PLEKHM1: variants seen among roughly 807,000 people sequenced by gnomAD.
The protein encoded by PLEKHM1 is pleckstrin homology and RUN domain containing M1, also known as pleckstrin homology domain-containing family M member 1.
A neutral mutation model predicts 94.3 loss-of-function variants in PLEKHM1; 28 were observed. The observed-to-expected ratio is 0.30, with a 90% confidence interval of 0.22 to 0.41. The LOEUF (loss-of-function observed/expected upper bound fraction) is 0.41. PLEKHM1 is among the 10% of genes least tolerant of loss of function. The probability of loss-of-function intolerance (pLI) is 1.00; values close to 1 mark genes in which losing one functional copy is unlikely to be tolerated. For missense variants in PLEKHM1, 907 were observed against 1,358.6 expected, an observed-to-expected ratio of 0.67 and a Z score of 5.22; for synonymous variants, 424 against 581.2, an observed-to-expected ratio of 0.73 and a Z score of 3.89.
At chr17:45,461,625 G>A (rs62065390) in intron 5 of PLEKHM1, among the ~76,000 whole-genome samples, 19,387 of 152,154 alleles carry the variant, frequency 0.13, 1,562 homozygotes, top group Middle Eastern at 0.21. Context: ...CCAGCATGTA[G>A]GGTTTCTCAG....
chr17:45,487,742 G>C (rs1229030973), intron 1 of PLEKHM1: 1 of 455,934 alleles, frequency 2.2e-6, no homozygotes, highest in Non-Finnish European at 4.4e-6. Context: ...AAAGAAGAAA[G>C]GGATAACCTG....
chr17:45,463,075 G>A (rs1383106489), intron 5 of PLEKHM1, among the ~76,000 whole-genome samples: 1 of 141,944 alleles, frequency 7.0e-6, no homozygotes, highest in African/African-American at 2.6e-5. Flanking sequence ...AACAGCACAA[G>A]AGTCTGTGTC....
intron 10 of PLEKHM1, 144 bp from the exon 11 acceptor site, chr17:45,439,778 C>T (rs573626863): frequency 6.1e-5 from 67 of 1,107,416 alleles, no homozygotes; most frequent in Middle Eastern, 5.1e-4. Flanking sequence ...CGTTTCCACA[C>T]GGGCAAGAAA....
intron 2 of PLEKHM1, 127 bp from the exon 3 acceptor site, chr17:45,478,274 G>A (rs2051824728): frequency 9.1e-7 from 1 of 1,101,112 alleles, no homozygotes. Context: ...GTGTGTGTCT[G>A]TAGATTCCTT....
rs114162283 is a variant in PLEKHM1, at chr17:45,484,399, T to C, written c.-41-1874A>G. Among the ~76,000 whole-genome samples, 787 of 152,320 alleles carry C rather than the reference T, an allele frequency of 5.2e-3. 9 individuals carry two copies. Among genetic ancestry groups the C allele is most frequent in the African/African-American group, 0.018 (745 of 41,564 alleles). On this transcript the variant is annotated intron_variant, in intron 1 of 11. Coordinates refer to ENST00000430334, the MANE Select transcript of PLEKHM1 (RefSeq NM_014798.3). ...ACCTTGGCTTTCACAACCCACCTTA[T>C]CTTAACCCCAAGCTTTTCTTCTGCT...
Position 45,445,536 on chromosome 17 carries a change from T to G in PLEKHM1, c.2771A>C (p.Gln924Pro). The G allele has an allele frequency of 6.2e-7, 1 of 1,613,884 alleles. No individual in the cohort carries two copies. The highest frequency in any genetic ancestry group is 8.5e-7 in the Non-Finnish European group (1 of 1,179,864). Residue 924 changes from glutamine to proline, a missense_variant, in exon 9 of 12, where the codon CAG becomes CCG. Physicochemically the swap from Gln to Pro is moderately conservative, Grantham distance 76. Transcript: ENST00000430334. The surrounding 1 kb of genome is among the most constrained non-coding windows in gnomAD (Gnocchi z 4.2). ...RMHLIGRRRE[Q>P]LKLLGDYLGL... ...CAGGTAATCCCCCAGGAGCTTCAGCTGCTCCCGTCTCCTCCCAATGAGGTG... is the reference window on the plus strand; with the variant it reads ...CAGGTAATCCCCCAGGAGCTTCAGCGGCTCCCGTCTCCTCCCAATGAGGTG...
chr17:45,458,242 T>C lies in PLEKHM1; in HGVS notation c.1506A>G (p.Pro502=). ...GALDQACVPS[P]GRRQAQAAPS... ...GGGCTGCCTGGGCTTGCCTTCTTCC[T>C]GGGGAAGGTACACACGCTTGGTCTA... The change falls in exon 6 of 12, where the codon CCA becomes CCG. Residue 502 remains proline (P), a synonymous_variant. Transcript: ENST00000430334. The C allele has an allele frequency of 6.2e-7, 1 of 1,612,680 alleles. No homozygotes were observed. The highest frequency in any genetic ancestry group is 8.5e-7 in the Non-Finnish European group (1 of 1,179,292).
At chr17:45,438,291 T>G (rs1793753867) in intron 11 of PLEKHM1, among the ~76,000 whole-genome samples, 1 of 152,156 alleles carries the variant, frequency 6.6e-6, no homozygotes, top group African/African-American at 2.4e-5. Flanking sequence ...CCCAGCACTT[T>G]GGGAGGCCGA....
In PLEKHM1 at chr17:45,437,894, G is replaced by A; in HGVS notation, c.3135C>T (p.Arg1045=). Residue 1045 remains arginine, a synonymous_variant, in exon 12 of 12, where the codon CGC becomes CGT. Transcript: ENST00000430334. This position sits in a 1 kb window ranked among gnomAD's most constrained non-coding sequence, Gnocchi z 4.0. The part of the protein sequence containing the change: ...VVKKGCPRCA[R]RRKYQEQNIF... ...TGTTCTGTTCCTGGTACTTGCGCCG[G>A]CGGGCACAGCGGGGGCAGCCCTTCT... 6.2e-7 allele frequency: 1 copy of A among 1,613,970 alleles called. No individual in the cohort carries two copies. The highest frequency in any genetic ancestry group is 8.5e-7 in the Non-Finnish European group (1 of 1,180,026).
At chr17:45,465,841 T>C (rs62065396) in intron 5 of PLEKHM1, among the ~76,000 whole-genome samples, 18,443 of 152,040 alleles carry the variant, frequency 0.12, 1,536 homozygotes, top group Middle Eastern at 0.22. Context: ...TTTGAGGCCC[T>C]GGCAAGATAA....
At chr17:45,463,085 C>CAA (rs1290103977) in intron 5 of PLEKHM1, among the ~76,000 whole-genome samples, 50 of 95,654 alleles carry the variant, frequency 5.2e-4, no homozygotes, top group African/African-American at 1.5e-3. Flanking sequence ...GAGTCTGTGT[C>CAA]AAAAAAAAAA....
chr17:45,464,707 C>T (rs548780452), intron 5 of PLEKHM1, among the ~76,000 whole-genome samples: 1 of 152,294 alleles, frequency 6.6e-6, no homozygotes, highest in Non-Finnish European at 1.5e-5. Flanking sequence ...ATTCCCTAAG[C>T]AACCTTCCAG....
At chr17:45,485,724 CCTATCT>C (rs1296904450) in intron 1 of PLEKHM1, among the ~76,000 whole-genome samples, 1 of 150,010 alleles carries the variant, frequency 6.7e-6, no homozygotes, top group African/African-American at 2.5e-5. Context: ...ATGGTGAAAC[CCTATCT>C]CTAATTAAAA....
At chr17:45,448,757 A>C (rs533106763) in intron 8 of PLEKHM1, among the ~76,000 whole-genome samples, 28 of 152,292 alleles carry the variant, frequency 1.8e-4, no homozygotes, top group African/African-American at 6.7e-4. Flanking sequence ...TAATTTGCTC[A>C]TGGTAACACA....
intron 5 of PLEKHM1, among the ~76,000 whole-genome samples, chr17:45,467,249 CA>C (rs1247120023): frequency 1.3e-5 from 2 of 152,202 alleles, no homozygotes; most frequent in African/African-American, 4.8e-5. Context: ...ACCCAGCCCC[CA>C]AATATTTTCA....
In PLEKHM1 at chr17:45,453,350, G is replaced by A. The variant is rs1446853386; in HGVS notation, c.2497+5C>T. 1.6e-5 allele frequency: 26 copies of A among 1,611,720 alleles called. No individual in the cohort carries two copies. Among genetic ancestry groups the A allele is most frequent in the Non-Finnish European group, 1.8e-5 (21 of 1,178,950 alleles). The stretch of plus-strand genomic sequence containing the variant: ...GCTGGGGGTGGCAGCAGAGCAAATC[G>A]GCACCTGCGCAGAAGCAGCCTTGGG... On this transcript the variant is annotated splice_donor_5th_base_variant and intron_variant, in intron 7 of 11. Transcript: ENST00000430334. This position sits in a 1 kb window ranked among gnomAD's most constrained non-coding sequence, Gnocchi z 4.1.
At chr17:45,438,302 G>T (rs1236848322) in intron 11 of PLEKHM1, among the ~76,000 whole-genome samples, 1 of 152,142 alleles carries the variant, frequency 6.6e-6, no homozygotes, top group East Asian at 1.9e-4. Context: ...GGGAGGCCGA[G>T]GTGGGCGGGT....
chr17:45,477,465 G>A (rs951642115), intron 3 of PLEKHM1: 1 of 211,150 alleles, frequency 4.7e-6, no homozygotes, highest in Non-Finnish European at 9.8e-6. Context: ...CAATTCGGAT[G>A]TTTGAATAAT....
Position 45,436,692 on chromosome 17 carries a change from G to A in PLEKHM1, c.*1166C>T. 2.2e-6 allele frequency: 1 copy of A among 454,124 alleles called. No individual in the cohort carries two copies. Among genetic ancestry groups the A allele is most frequent in the African/African-American group, 2.0e-5 (1 of 50,132 alleles). The allele number at this position is 454,124 out of a possible 1,614,324, so 28.1% of individuals were successfully genotyped here. A position where few individuals can be genotyped will look rare whatever the true frequency, so the allele number is the denominator to read the frequency against. On this transcript the variant is annotated 3_prime_UTR_variant, in exon 12 of 12. Transcript: ENST00000430334. Reference sequence around the variant, plus strand: ...ACCCCAGCCCCAAGGCCCCTTCAAAGGCAGTCCTGCTCCGGGGAACTTCTT... The same window carrying A: ...ACCCCAGCCCCAAGGCCCCTTCAAAAGCAGTCCTGCTCCGGGGAACTTCTT...
Sources: allele counts gnomAD v4.1 joint callset (sites outside exome capture counted in the v4.1 genomes callset), GRCh38; gene constraint gnomAD v4.1.1; non-coding constraint Gnocchi (gnomAD v3.1); transcripts MANE v1.5; gene names NCBI Gene and HGNC (gene_info 2026-07-23, HGNC 2026-07-21).